The following UBE2E2 variants were observed in gnomAD, a reference collection of about 807,000 sequenced individuals.
The protein encoded by UBE2E2 is ubiquitin-conjugating enzyme E2 E2.
Under a neutral mutation model 24.7 loss-of-function variants are expected in UBE2E2, and 6 were observed. The ratio of observed to expected loss-of-function variants is 0.24; its 90% confidence interval spans 0.13 to 0.48. UBE2E2 has a LOEUF of 0.48. Among genes scored for constraint, UBE2E2 ranks in the 20% least tolerant of loss-of-function variants. The probability of loss-of-function intolerance (pLI) is 0.99; values close to 1 mark genes in which losing one functional copy is unlikely to be tolerated. For missense variants in UBE2E2, 169 were observed against 245.0 expected (o/e 0.69, Z 2.07); for synonymous variants, 104 against 83.6 (o/e 1.24, Z -1.33).
intron 1 of UBE2E2, among the ~76,000 whole-genome samples, chr3:23,205,374 A>G (rs1696119893): frequency 6.6e-6 from 1 of 152,200 alleles, no homozygotes; most frequent in Non-Finnish European, 1.5e-5. Flanking sequence ...GATAATGTTT[A>G]AAGGATTTTA....
At chr3:23,392,497 T>G (rs1483150357) in intron 3 of UBE2E2, among the ~76,000 whole-genome samples, 1 of 151,714 alleles carries the variant, frequency 6.6e-6, no homozygotes, top group Non-Finnish European at 1.5e-5. Context: ...CCTCTTATAG[T>G]TTAAAAAAAA....
chr3:23,266,381 G>A (rs535441695), intron 3 of UBE2E2, among the ~76,000 whole-genome samples: 1 of 152,086 alleles, frequency 6.6e-6, no homozygotes, highest in Admixed American at 6.6e-5. Context: ...GTCTGTAAAG[G>A]ATTTTATTTC....
rs527395332 is a variant in UBE2E2, at chr3:23,470,712, A to G, written c.228-28896A>G. ...AGCAGATAGTAAATGGGAGAAAAGT[A>G]AAGCCAGTAAAAACGGTTCTTAATA... is the stretch of plus-strand genomic sequence containing the variant. On this transcript the variant is annotated intron_variant, in intron 3 of 5. Coordinates refer to ENST00000396703, the MANE Select transcript of UBE2E2 (RefSeq NM_152653.4). 9.2e-5 allele frequency among the ~76,000 whole-genome samples: 14 copies of G among 152,358 alleles called. No homozygotes were observed. In the East Asian group the frequency reaches 2.7e-3, roughly 29 times the overall value.
At chr3:23,284,430 C>G (rs1698562026) in intron 3 of UBE2E2, among the ~76,000 whole-genome samples, 1 of 151,980 alleles carries the variant, frequency 6.6e-6, no homozygotes, top group Admixed American at 6.6e-5. Context: ...ATTGTTTTGA[C>G]TAATTGTTGG....
chr3:23,475,997 T>C (rs1287658826), intron 3 of UBE2E2, among the ~76,000 whole-genome samples: 2 of 152,108 alleles, frequency 1.3e-5, no homozygotes, highest in Non-Finnish European at 2.9e-5. Flanking sequence ...GGATTAGTAT[T>C]CAAGATGGAG....
At chr3:23,236,377 G>T (rs985504602) in intron 3 of UBE2E2, among the ~76,000 whole-genome samples, 1 of 151,928 alleles carries the variant, frequency 6.6e-6, no homozygotes, top group African/African-American at 2.4e-5. Flanking sequence ...CTCCATAATT[G>T]GGCTCAGGAG....
chr3:23,394,216 T>G (rs1266756308), intron 3 of UBE2E2, among the ~76,000 whole-genome samples: 2 of 152,226 alleles, frequency 1.3e-5, no homozygotes, highest in Non-Finnish European at 2.9e-5. Flanking sequence ...CCTAAGATAG[T>G]AATTTACCTG....
intron 4 of UBE2E2, among the ~76,000 whole-genome samples, chr3:23,506,791 G>T (rs1255032290): frequency 6.6e-6 from 1 of 152,066 alleles, no homozygotes; most frequent in Non-Finnish European, 1.5e-5. Context: ...TTGCCACCAT[G>T]CCCGGCTAAT....
At chr3:23,348,442 AT>A (rs1170407722) in intron 3 of UBE2E2, among the ~76,000 whole-genome samples, 1 of 151,948 alleles carries the variant, frequency 6.6e-6, no homozygotes, top group African/African-American at 2.4e-5. Context: ...TAGAAAGTAG[AT>A]TTTTTTCTTT....
chr3:23,211,466 G>T (rs1416771049), intron 2 of UBE2E2, among the ~76,000 whole-genome samples: 2 of 150,278 alleles, frequency 1.3e-5, no homozygotes, highest in African/African-American at 4.9e-5. Context: ...GAGTGCAGTG[G>T]TATGATCTCC....
intron 5 of UBE2E2, among the ~76,000 whole-genome samples, chr3:23,563,772 A>G (rs13085173): frequency 0.06 from 9,164 of 152,212 alleles, 450 homozygotes; most frequent in Non-Finnish European, 0.087. Flanking sequence ...AATAAAATTA[A>G]AAGGATCATT....
intron 3 of UBE2E2, among the ~76,000 whole-genome samples, chr3:23,322,508 T>G (rs1014780280): frequency 2.6e-5 from 4 of 152,138 alleles, no homozygotes; most frequent in African/African-American, 9.6e-5. Flanking sequence ...TTTTAAAAAT[T>G]ATTTTCTGTA....
rs1696314900 is a variant in UBE2E2 at position 23,211,269 on chromosome 3, A to G, written c.176+2394A>G. Among the ~76,000 whole-genome samples the G allele has an allele frequency of 5.9e-5, 9 of 152,148 alleles. No homozygotes were observed. In the South Asian group the frequency reaches 1.7e-3, roughly 28 times the overall value. ...ATTTCACACTTTTTTGTTGACGATC[A>G]TTTTTATTCAGATGAGAAGCCTTTC... On this transcript the variant is annotated intron_variant, in intron 2 of 5. Coordinates refer to ENST00000396703, the MANE Select transcript of UBE2E2 (RefSeq NM_152653.4).
intron 4 of UBE2E2, among the ~76,000 whole-genome samples, chr3:23,529,106 A>G (rs947763293): frequency 1.3e-5 from 2 of 152,220 alleles, no homozygotes; most frequent in African/African-American, 4.8e-5. Flanking sequence ...AAAGTTGTGG[A>G]GATGAGGACA....
intron 3 of UBE2E2, among the ~76,000 whole-genome samples, chr3:23,232,141 T>C (rs1364756789): frequency 6.6e-6 from 1 of 152,242 alleles, no homozygotes; most frequent in East Asian, 1.9e-4. Flanking sequence ...AACCCTCTAA[T>C]CATGCTTTGG....
At chr3:23,278,837 TAA>T (rs1348094406) in intron 3 of UBE2E2, among the ~76,000 whole-genome samples, 1 of 152,134 alleles carries the variant, frequency 6.6e-6, no homozygotes, top group Admixed American at 6.6e-5. Context: ...TATGAAAACC[TAA>T]GTTTCCAAAC....
intron 3 of UBE2E2, among the ~76,000 whole-genome samples, chr3:23,390,415 G>C (rs1696907885): frequency 6.6e-6 from 1 of 152,126 alleles, no homozygotes; most frequent in Admixed American, 6.5e-5. Flanking sequence ...CTTCAGGGAA[G>C]GATCACCTTC....
chr3:23,538,235 A>G (rs146868140), intron 5 of UBE2E2, among the ~76,000 whole-genome samples: 12 of 152,296 alleles, frequency 7.9e-5, no homozygotes, highest in African/African-American at 2.9e-4. Flanking sequence ...CACAACATAT[A>G]GCTAACTTCA....
intron 3 of UBE2E2, among the ~76,000 whole-genome samples, chr3:23,382,178 A>ATTTTTTTTTTTTTTTTTTTTTTTTTTTT (rs10645761): frequency 9.0e-6 from 1 of 110,842 alleles, no homozygotes; most frequent in Non-Finnish European, 1.7e-5. Flanking sequence ...GAATACTTTA[A>ATTTTTTTTTTTTTTTTTTTTTTTTTTTT]TTTTTTTTTT....
Sources: gnomAD v4.1 joint callset for allele counts (sites outside exome capture counted in the v4.1 genomes callset) on GRCh38, gnomAD v4.1.1 for gene constraint, MANE v1.5 for transcripts, NCBI Gene and HGNC (gene_info 2026-07-23, HGNC 2026-07-21) for gene names.